The following RBFOX1 variants were observed in gnomAD, a reference collection of about 807,000 sequenced individuals.
RBFOX1 encodes RNA binding protein fox-1 homolog 1.
Under a neutral mutation model 57.7 loss-of-function variants are expected in RBFOX1, and 8 were observed. The ratio of observed to expected loss-of-function variants is 0.14; its 90% CI spans 0.08 to 0.25. RBFOX1 has a LOEUF of 0.25. Ranked by LOEUF, RBFOX1 falls within the 10% of genes least tolerant of loss-of-function variation. RBFOX1 has a pLI of 1.00. For synonymous variants in RBFOX1, 326 were observed against 222.4 expected, an observed-to-expected ratio of 1.47 and a Z score of -4.15; for missense variants, 611 against 548.5, an observed-to-expected ratio of 1.11 and a Z score of -1.14.
intron 3 of RBFOX1, among the ~76,000 whole-genome samples, chr16:6,946,826 T>G (rs1362780017): frequency 6.6e-6 from 1 of 152,184 alleles, no homozygotes; most frequent in Non-Finnish European, 1.5e-5. Context: ...AAGGCTGGTC[T>G]CCAGTTTCTG....
At chr16:7,251,192 G>A (rs758988397) in intron 4 of RBFOX1, among the ~76,000 whole-genome samples, 1 of 151,436 alleles carries the variant, frequency 6.6e-6, no homozygotes, top group African/African-American at 2.4e-5. Flanking sequence ...CCCAGCCCCT[G>A]GTAAGCAAAC....
chr16:5,776,038 T>A (rs2054136651), intron 3 of RBFOX1, among the ~76,000 whole-genome samples: 1 of 148,258 alleles, frequency 6.7e-6, no homozygotes, highest in Non-Finnish European at 1.5e-5. Flanking sequence ...GCCCAATGAA[T>A]CTTAATAAAA....
chr16:6,773,126 G>C (rs2078659908), intron 3 of RBFOX1, among the ~76,000 whole-genome samples: 1 of 140,666 alleles, frequency 7.1e-6, no homozygotes, highest in Non-Finnish European at 1.5e-5. Context: ...GTGTATATTG[G>C]GGTGTGGGGT....
chr16:5,692,191 GTGTGTGTGTGTGTGTGTGTGTGTT>G (rs1168130140), intron 3 of RBFOX1, among the ~76,000 whole-genome samples: 2 of 149,066 alleles, frequency 1.3e-5, no homozygotes, highest in African/African-American at 5.1e-5. Context: ...GTGTGTGTGT[GTGTGTGTGTGTGTGTGTGTGTGTT>G]TGTGTTTCAC....
At chr16:5,711,466 G>A (rs375342373) in intron 3 of RBFOX1, among the ~76,000 whole-genome samples, 1 of 152,164 alleles carries the variant, frequency 6.6e-6, no homozygotes, top group Non-Finnish European at 1.5e-5. Flanking sequence ...TCTGTCTGGG[G>A]TTTGGACAGA....
intron 4 of RBFOX1, among the ~76,000 whole-genome samples, chr16:7,375,935 A>G (rs188566452): frequency 6.6e-6 from 1 of 152,322 alleles, no homozygotes; most frequent in African/African-American, 2.4e-5. Flanking sequence ...ATGCGAAGTA[A>G]AGGGGAAACC....
At chr16:6,759,903 C>T (rs1227868097) in intron 3 of RBFOX1, among the ~76,000 whole-genome samples, 1 of 152,146 alleles carries the variant, frequency 6.6e-6, no homozygotes, top group East Asian at 1.9e-4. Context: ...TATAAGGCTA[C>T]AGTGGAATTC....
chr16:7,072,116 C>A (rs773455624), intron 4 of RBFOX1, among the ~76,000 whole-genome samples: 2 of 152,116 alleles, frequency 1.3e-5, no homozygotes, highest in Non-Finnish European at 2.9e-5. Context: ...AAACATGTAT[C>A]TTGAGCTGCC....
At chr16:6,842,878 GTTCT>G (rs2093560720) in intron 3 of RBFOX1, among the ~76,000 whole-genome samples, 1 of 151,854 alleles carries the variant, frequency 6.6e-6, no homozygotes, top group Non-Finnish European at 1.5e-5. Context: ...GTGTCCATGT[GTTCT>G]CATTGTTCAA....
At position 5,432,458 on chromosome 16, in the gene RBFOX1, T is replaced by G. The variant is rs984202959; in HGVS notation, c.220-34758T>G. On this transcript the variant is annotated intron_variant, in intron 1 of 2. Transcript: ENST00000585867. ...CCGTCATTATCCCTTGTCTATTGCT[T>G]TTTATTGGTGTTGGATTAAGTTAAA... Among the ~76,000 whole-genome samples the G allele has an allele frequency of 2.0e-5, 3 of 152,186 alleles. No homozygotes were observed. The South Asian group carries it at 6.2e-4, about 32-fold the overall frequency.
chr16:6,094,161 A>G (rs2096214632), intron 1 of RBFOX1, among the ~76,000 whole-genome samples: 1 of 152,114 alleles, frequency 6.6e-6, no homozygotes, highest in Non-Finnish European at 1.5e-5. Context: ...TGTCCCAAGG[A>G]CTCATCTGTG....
At chr16:5,963,464 G>A (rs1265327837) in intron 4 of RBFOX1, among the ~76,000 whole-genome samples, 6 of 152,158 alleles carry the variant, frequency 3.9e-5, no homozygotes, top group Admixed American at 2.0e-4. Flanking sequence ...AGATTATTCT[G>A]GGGGAATGAA....
chr16:5,401,038 T>C (rs2066699899), intron 1 of RBFOX1, among the ~76,000 whole-genome samples: 1 of 152,182 alleles, frequency 6.6e-6, no homozygotes, highest in South Asian at 2.1e-4. Context: ...CATTAAGTAT[T>C]TTTATGATGG....
At chr16:7,111,384 A>G (rs1311297434) in intron 4 of RBFOX1, among the ~76,000 whole-genome samples, 1 of 152,234 alleles carries the variant, frequency 6.6e-6, no homozygotes, top group East Asian at 1.9e-4. Flanking sequence ...TCCTCATAGT[A>G]AATAAATCAT....
At chr16:5,633,571 C>T (rs960267678) in intron 3 of RBFOX1, among the ~76,000 whole-genome samples, 2 of 152,018 alleles carry the variant, frequency 1.3e-5, no homozygotes, top group Admixed American at 1.3e-4. Flanking sequence ...AAGAAATAAT[C>T]CCATCAAAAA....
chr16:6,318,209 C>T (rs150456145), intron 2 of RBFOX1, among the ~76,000 whole-genome samples: 4 of 152,252 alleles, frequency 2.6e-5, no homozygotes, highest in African/African-American at 9.6e-5. Flanking sequence ...GATCAGCTAA[C>T]GCTTGTATCT....
At chr16:5,996,298 G>A (rs1200453203) in intron 4 of RBFOX1, among the ~76,000 whole-genome samples, 4 of 152,128 alleles carry the variant, frequency 2.6e-5, no homozygotes, top group Admixed American at 1.3e-4. Flanking sequence ...TTCACCAGAC[G>A]ATGTAGACTC....
intron 3 of RBFOX1, among the ~76,000 whole-genome samples, chr16:5,612,997 C>G (rs2047879387): frequency 6.6e-6 from 1 of 152,152 alleles, no homozygotes; most frequent in Admixed American, 6.5e-5. Flanking sequence ...AGAATGGACT[C>G]CATTTTACAG....
chr16:6,658,920 G>T (rs1184564028), intron 3 of RBFOX1, among the ~76,000 whole-genome samples: 1 of 88,376 alleles, frequency 1.1e-5, no homozygotes, highest in Non-Finnish European at 2.6e-5. Flanking sequence ...TTGTTTTTTT[G>T]TTTTTTGGTT....
Sources: allele counts gnomAD v4.1 joint callset (sites outside exome capture counted in the v4.1 genomes callset), GRCh38; gene constraint gnomAD v4.1.1; transcripts MANE v1.5; gene names NCBI Gene and HGNC (gene_info 2026-07-23, HGNC 2026-07-21).